The following ITGA8 variants were observed in gnomAD, a reference collection of about 807,000 sequenced individuals.
ITGA8 encodes the protein integrin subunit alpha 8.
In ITGA8, 91 loss-of-function variants were observed where a neutral mutation model predicts 142.3. The ratio of observed to expected loss-of-function variants is 0.64; its 90% CI spans 0.54 to 0.76. The LOEUF is 0.76. Among genes scored for constraint, ITGA8 ranks in the 30% least tolerant of loss-of-function variants. The pLI is 0.00. For synonymous variants in ITGA8, 505 were observed against 485.2 expected (o/e 1.04, Z -0.54); for missense variants, 1,406 against 1,327.7 (o/e 1.06, Z -0.92).
intron 5 of ITGA8, 97 bp downstream of exon 5, chr10:15,678,625 T>TTGG (rs1427062386): frequency 1.0e-5 from 8 of 772,324 alleles, no homozygotes; most frequent in African/African-American, 1.8e-5. Context: ...CTTTGGTTCT[T>TTGG]TGGTGGTGGT....
chr10:15,638,854 C>T (rs1379295261), intron 13 of ITGA8, among the ~76,000 whole-genome samples: 1 of 152,134 alleles, frequency 6.6e-6, no homozygotes, highest in Non-Finnish European at 1.5e-5. Flanking sequence ...ATCCTGGGCA[C>T]AGTGGCTCAT....
intron 13 of ITGA8, among the ~76,000 whole-genome samples, chr10:15,624,163 A>C (rs1216849150): frequency 1.3e-5 from 2 of 152,204 alleles, no homozygotes; most frequent in Non-Finnish European, 2.9e-5. Context: ...TCAACAGGCC[A>C]ATTTTGACTT....
At chr10:15,605,700 A>C (rs1178729337) in intron 19 of ITGA8, 24 bp downstream of exon 19, 2 of 1,579,082 alleles carry the variant, frequency 1.3e-6, no homozygotes, top group African/African-American at 2.7e-5. Context: ...GATAGAAAGT[A>C]CACATTTAGT....
chr10:15,643,773 G>A (rs1264607526), intron 13 of ITGA8, among the ~76,000 whole-genome samples: 1 of 152,216 alleles, frequency 6.6e-6, no homozygotes, highest in African/African-American at 2.4e-5. Context: ...AAGTTGACAA[G>A]TTTTATGTAC....
chr10:15,585,177 A>G (rs912727373), intron 23 of ITGA8, among the ~76,000 whole-genome samples: 15 of 152,174 alleles, frequency 9.9e-5, no homozygotes, highest in African/African-American at 3.1e-4. Context: ...AACATACATA[A>G]AATACGATTT....
chr10:15,679,386 C>T (rs1414675670), intron 4 of ITGA8, among the ~76,000 whole-genome samples: 1 of 152,096 alleles, frequency 6.6e-6, no homozygotes, highest in Admixed American at 6.5e-5. Context: ...AGATTGAGAC[C>T]ATCCTGGCCA....
At chr10:15,612,074 G>A (rs1030764149) in intron 15 of ITGA8, among the ~76,000 whole-genome samples, 4 of 152,110 alleles carry the variant, frequency 2.6e-5, no homozygotes, top group Admixed American at 6.5e-5. Flanking sequence ...AAGGATAAAC[G>A]CTGGCTCTCT....
At position 15,623,578 on chromosome 10, in the gene ITGA8, C is replaced by T. The variant is rs186709843; in HGVS notation, c.1400-7019G>A. Among the ~76,000 whole-genome samples the T allele has an allele frequency of 6.8e-3, 1,040 of 152,168 alleles. 12 individuals are homozygous for T. Among genetic ancestry groups the T allele is most frequent in the African/African-American group, 0.024 (1,007 of 41,504 alleles). On this transcript the variant is annotated intron_variant, in intron 13 of 29. Coordinates refer to ENST00000378076, the MANE Select transcript of ITGA8 (RefSeq NM_003638.3). The stretch of plus-strand genomic sequence containing the variant: ...GCAGTTGCCTTTAATCCCAGCTACT[C>T]AGGAGGCTGAGGCAGGGGAATCGCT...
chr10:15,555,758 C>G (rs576838876), intron 26 of ITGA8, among the ~76,000 whole-genome samples: 6 of 151,842 alleles, frequency 4.0e-5, no homozygotes, highest in Non-Finnish European at 8.8e-5. Context: ...TGCAGTGGCG[C>G]GATCTCGGCT....
chr10:15,643,262 A>G (rs1390086764), intron 13 of ITGA8, among the ~76,000 whole-genome samples: 1 of 152,024 alleles, frequency 6.6e-6, no homozygotes, highest in Non-Finnish European at 1.5e-5. Flanking sequence ...TCTTTGGAAA[A>G]CCACAAAATA....
intron 20 of ITGA8, among the ~76,000 whole-genome samples, chr10:15,599,978 A>T (rs1383938273): frequency 2.0e-5 from 3 of 152,198 alleles, no homozygotes; most frequent in Admixed American, 1.3e-4. Flanking sequence ...CTAACAGTTG[A>T]TGTTTGAACT....
At chr10:15,522,371 T>A (rs1833088176) in intron 28 of ITGA8, among the ~76,000 whole-genome samples, 1 of 152,214 alleles carries the variant, frequency 6.6e-6, no homozygotes, top group African/African-American at 2.4e-5. Context: ...AACATTTGAC[T>A]GCACTCAGAG....
rs74805953 is a variant in ITGA8, at chr10:15,539,599, C to T, written c.2881-8448G>A. Among the ~76,000 whole-genome samples, 1,281 of 152,198 alleles carry T rather than the reference C, an allele frequency of 8.4e-3. 14 individuals are homozygous for T. Among genetic ancestry groups the T allele is most frequent in the African/African-American group, 0.03 (1,226 of 41,512 alleles). On this transcript the variant is annotated intron_variant, in intron 27 of 29. Coordinates refer to ENST00000378076, the MANE Select transcript of ITGA8 (RefSeq NM_003638.3). ...ATCCTGAATTGTCTGCCTTATGGAACTGAAAAGAATCAAATTAGGGTGTGG... is the reference window on the plus strand; with the variant it reads ...ATCCTGAATTGTCTGCCTTATGGAATTGAAAAGAATCAAATTAGGGTGTGG...
intron 5 of ITGA8, 87 bp from the exon 6 acceptor site, chr10:15,677,724 A>C: frequency 1.5e-6 from 2 of 1,319,652 alleles, no homozygotes; most frequent in Non-Finnish European, 2.1e-6. Context: ...GTTAATAAGC[A>C]TTGCTCTAAC....
chr10:15,566,993 A>G (rs1588648627), intron 25 of ITGA8, among the ~76,000 whole-genome samples: 2 of 150,228 alleles, frequency 1.3e-5, no homozygotes, highest in African/African-American at 2.4e-5. Context: ...ACCCATCTCT[A>G]CTAAAAATAC....
intron 24 of ITGA8, among the ~76,000 whole-genome samples, chr10:15,574,484 A>G (rs9333198): frequency 0.2 from 30,636 of 151,894 alleles, 4,235 homozygotes; most frequent in East Asian, 0.4. Context: ...TCTGCCTCCC[A>G]GGTTCAAGCG....
intron 26 of ITGA8, among the ~76,000 whole-genome samples, chr10:15,549,457 C>T (rs371867903): frequency 3.0e-4 from 46 of 152,144 alleles, no homozygotes; most frequent in African/African-American, 9.9e-4. Flanking sequence ...GTGATCCACC[C>T]GCCTCGGCCT....
At chr10:15,564,680 T>C (rs1469987616) in intron 25 of ITGA8, among the ~76,000 whole-genome samples, 1 of 152,222 alleles carries the variant, frequency 6.6e-6, no homozygotes, top group East Asian at 1.9e-4. Flanking sequence ...GGATGTGCAG[T>C]ACAGTCGGAA....
chr10:15,518,858 A>G (rs9333246), intron 29 of ITGA8, among the ~76,000 whole-genome samples: 1,575 of 152,342 alleles, frequency 0.01, 19 homozygotes, highest in African/African-American at 0.033. Flanking sequence ...ATTGACCTAT[A>G]TTAATTGCAT....
Sources: gnomAD v4.1 joint callset for allele counts (sites outside exome capture counted in the v4.1 genomes callset) on GRCh38, gnomAD v4.1.1 for gene constraint, MANE v1.5 for transcripts, NCBI Gene and HGNC (gene_info 2026-07-23, HGNC 2026-07-21) for gene names.